Variants in WDPCP observed in about 807,000 individuals in gnomAD.
WDPCP encodes the protein WD repeat-containing and planar cell polarity effector protein fritz homolog.
Under a neutral mutation model 93.1 loss-of-function variants are expected in WDPCP, and 71 were observed. That is an observed-to-expected ratio of 0.76 (90% CI 0.63 to 0.93). WDPCP has a LOEUF of 0.93. WDPCP is among the 40% of genes least tolerant of loss of function. WDPCP has a pLI of 0.00. For synonymous variants in WDPCP, 315 were observed against 315.0 expected (o/e 1.00, Z 0.00); for missense variants, 844 against 887.4 (o/e 0.95, Z 0.62).
intron 2 of WDPCP, among the ~76,000 whole-genome samples, chr2:63,669,472 G>A (rs566033081): frequency 2.5e-4 from 38 of 151,536 alleles, no homozygotes; most frequent in Non-Finnish European, 4.1e-4. Flanking sequence ...CGATTCTTGT[G>A]CCTCAGCCTC....
chr2:63,681,634 G>A (rs1268439516), intron 2 of WDPCP, among the ~76,000 whole-genome samples: 7 of 152,186 alleles, frequency 4.6e-5, no homozygotes, highest in African/African-American at 1.7e-4. Context: ...GAAGGACACA[G>A]GCCTGGCTGG....
At chr2:63,222,080 C>G (rs958675323) in intron 14 of WDPCP, among the ~76,000 whole-genome samples, 2 of 152,126 alleles carry the variant, frequency 1.3e-5, no homozygotes, top group Non-Finnish European at 2.9e-5. Context: ...AGTACTCTTG[C>G]AGGCAATTCA....
chr2:63,249,078 C>T (rs922664413), intron 14 of WDPCP, among the ~76,000 whole-genome samples: 5 of 151,986 alleles, frequency 3.3e-5, no homozygotes, highest in Non-Finnish European at 7.4e-5. Flanking sequence ...CCATGTTTTC[C>T]TGTTTCTTTG....
At chr2:63,231,570 G>C (rs1001934633) in intron 14 of WDPCP, among the ~76,000 whole-genome samples, 2 of 151,798 alleles carry the variant, frequency 1.3e-5, no homozygotes, top group Admixed American at 6.6e-5. Context: ...TGAGTGAACT[G>C]TCATTCACAA....
intron 2 of WDPCP, among the ~76,000 whole-genome samples, chr2:63,691,976 T>TA (rs1385789726): frequency 6.6e-6 from 1 of 151,646 alleles, no homozygotes; most frequent in Admixed American, 6.6e-5. Context: ...GAAATAATTA[T>TA]AAAAAAATAT....
At chr2:63,765,419 T>C (rs1354028778) in intron 2 of WDPCP, among the ~76,000 whole-genome samples, 1 of 152,176 alleles carries the variant, frequency 6.6e-6, no homozygotes, top group African/African-American at 2.4e-5. Flanking sequence ...AGCTGGCTAC[T>C]TCCCTGCACT....
intron 2 of WDPCP, among the ~76,000 whole-genome samples, chr2:63,655,608 C>T (rs1710158564): frequency 1.3e-5 from 2 of 152,144 alleles, no homozygotes; most frequent in Non-Finnish European, 2.9e-5. Context: ...CTTCTGTCCT[C>T]TGTCTGTTCA....
At chr2:63,774,067 C>T (rs1670268551) in intron 2 of WDPCP, among the ~76,000 whole-genome samples, 2 of 151,854 alleles carry the variant, frequency 1.3e-5, no homozygotes, top group Admixed American at 1.3e-4. Context: ...ATTAAAAGAC[C>T]TCCTACTCTA....
At chr2:63,206,555 C>T (rs1295697183) in intron 14 of WDPCP, among the ~76,000 whole-genome samples, 1 of 152,136 alleles carries the variant, frequency 6.6e-6, no homozygotes, top group South Asian at 2.1e-4. Context: ...TGGACTCATG[C>T]AATTTTCCCA....
chr2:63,783,534 C>T (rs1670426180), intron 2 of WDPCP, among the ~76,000 whole-genome samples: 1 of 152,082 alleles, frequency 6.6e-6, no homozygotes, highest in East Asian at 1.9e-4. Flanking sequence ...TGTTCATCAG[C>T]AGATGACTGG....
intron 2 of WDPCP, among the ~76,000 whole-genome samples, chr2:63,675,340 G>A (rs1710391811): frequency 6.6e-6 from 1 of 152,142 alleles, no homozygotes; most frequent in African/African-American, 2.4e-5. Flanking sequence ...TTCCCTCAAA[G>A]CTCTCTGGGT....
At chr2:63,147,919 G>C (rs978295258) in intron 17 of WDPCP, among the ~76,000 whole-genome samples, 4 of 138,244 alleles carry the variant, frequency 2.9e-5, no homozygotes, top group African/African-American at 1.1e-4. Context: ...AGTGAGCCAA[G>C]ATCGTGCCAC....
chr2:63,551,950 TTTCA>T (rs1242813774), intron 1 of WDPCP, among the ~76,000 whole-genome samples: 1 of 145,110 alleles, frequency 6.9e-6, no homozygotes, highest in Non-Finnish European at 1.5e-5. Flanking sequence ...TCTGTTTTGC[TTTCA>T]TTTTCTTTTT....
Position 63,567,564 on chromosome 2 carries a change from C to A in WDPCP, c.75+20633G>T, listed in dbSNP as rs572570855. Reference sequence around the variant, plus strand: ...CCTGAGGAGCTGGACACATGCTGATCCCTCTGTAAGAAGCACTTTTCCCCC... The same window carrying A: ...CCTGAGGAGCTGGACACATGCTGATACCTCTGTAAGAAGCACTTTTCCCCC... On this transcript the variant is annotated intron_variant, in intron 1 of 17. Coordinates refer to ENST00000272321, the MANE Select transcript of WDPCP (RefSeq NM_015910.7). Among the ~76,000 whole-genome samples the A allele has an allele frequency of 1.3e-4, 20 of 152,306 alleles. No homozygotes were observed. In the South Asian group the frequency reaches 3.9e-3, roughly 30 times the overall value.
chr2:63,552,055 G>A (rs1575631300), intron 1 of WDPCP, among the ~76,000 whole-genome samples: 1 of 28,988 alleles, frequency 3.4e-5, no homozygotes, highest in South Asian at 1.2e-3. Context: ...GCTTCCTAAG[G>A]TTCTGGATTT....
At chr2:63,722,598 C>G (rs1251054781) in intron 2 of WDPCP, among the ~76,000 whole-genome samples, 2 of 133,204 alleles carry the variant, frequency 1.5e-5, no homozygotes, top group Admixed American at 7.4e-5. Context: ...CCGCCCCGTC[C>G]GGGAGGGAGG....
chr2:63,656,421 T>A (rs1443241239), intron 2 of WDPCP, among the ~76,000 whole-genome samples: 1 of 152,126 alleles, frequency 6.6e-6, no homozygotes, highest in South Asian at 2.1e-4. Flanking sequence ...GGCATTAGCA[T>A]TGGGAAGTGC....
intron 2 of WDPCP, among the ~76,000 whole-genome samples, chr2:63,704,049 T>A (rs1188959379): frequency 6.6e-6 from 1 of 152,202 alleles, no homozygotes; most frequent in Non-Finnish European, 1.5e-5. Context: ...GGTATTTTAT[T>A]CTCTTTGAAG....
intron 2 of WDPCP, among the ~76,000 whole-genome samples, chr2:63,780,086 C>T (rs936720772): frequency 9.2e-5 from 14 of 152,282 alleles, no homozygotes; most frequent in South Asian, 2.1e-4. Context: ...AACCCCCTCA[C>T]GGCTGTTTTG....
Sources: allele counts gnomAD v4.1 joint callset (sites outside exome capture counted in the v4.1 genomes callset), GRCh38; gene constraint gnomAD v4.1.1; transcripts MANE v1.5; gene names NCBI Gene and HGNC (gene_info 2026-07-23, HGNC 2026-07-21).